Variants in KDM1A observed in about 807,000 individuals in gnomAD.
The protein encoded by KDM1A is lysine demethylase 1A, also known as lysine-specific histone demethylase 1A.
In KDM1A, 49 loss-of-function variants were observed where a neutral mutation model predicts 109.4. The ratio of observed to expected loss-of-function variants is 0.45; its 90% CI spans 0.36 to 0.57. KDM1A has a LOEUF of 0.57. Among genes scored for constraint, KDM1A ranks in the 20% least tolerant of loss-of-function variants. The pLI, the probability that KDM1A is intolerant of heterozygous loss-of-function variation, is 0.00. For missense variants in KDM1A, 668 were observed against 1,116.6 expected (o/e 0.60, Z 5.73); for synonymous variants, 380 against 415.4 (o/e 0.91, Z 1.04).
intron 12 of KDM1A, among the ~76,000 whole-genome samples, chr1:23,069,748 C>T (rs970169263): frequency 3.9e-5 from 6 of 152,218 alleles, no homozygotes; most frequent in Non-Finnish European, 8.8e-5. Flanking sequence ...TCTTGAGTTG[C>T]TGCCACCCCC....
At chr1:23,022,347 G>A (rs1242916573) in intron 1 of KDM1A, among the ~76,000 whole-genome samples, 1 of 148,586 alleles carries the variant, frequency 6.7e-6, no homozygotes. Flanking sequence ...TGTTGTTGTT[G>A]TTTTTGAGAT....
chr1:23,037,979 G>A lies in KDM1A; in HGVS notation c.518-6448G>A, dbSNP rs551848328. ...ATGTTGTAATAGAAGAACAAGATTT[G>A]TAAGGATTTTCTCGTCTACAAAATG... On this transcript the variant is annotated intron_variant, in intron 2 of 20. Transcript: ENST00000400181. Among the ~76,000 whole-genome samples the A allele has an allele frequency of 6.6e-5, 10 of 152,264 alleles. No individual in the cohort carries two copies. The South Asian group carries it at 1.4e-3, about 22-fold the overall frequency.
At chr1:23,077,857 TC>T (rs1287123285) in intron 16 of KDM1A, among the ~76,000 whole-genome samples, 1 of 152,232 alleles carries the variant, frequency 6.6e-6, no homozygotes, top group Non-Finnish European at 1.5e-5. Context: ...TTGGGCTAAT[TC>T]GCTTACGTTT....
chr1:23,041,541 C>T (rs1335869446), intron 2 of KDM1A, among the ~76,000 whole-genome samples: 2 of 138,608 alleles, frequency 1.4e-5, no homozygotes, highest in African/African-American at 5.3e-5. Flanking sequence ...CTCCCGAGTT[C>T]AAGCGATTCT....
intron 4 of KDM1A, among the ~76,000 whole-genome samples, chr1:23,052,314 G>A (rs1642697269): frequency 6.6e-6 from 1 of 152,184 alleles, no homozygotes; most frequent in African/African-American, 2.4e-5. Flanking sequence ...TGTGACCTAA[G>A]TGTTATTTTG....
At chr1:23,081,282 TGTATGCTGTTTCA>T in intron 18 of KDM1A, 151 bp from the exon 19 acceptor site, 1 of 772,190 alleles carries the variant, frequency 1.3e-6, no homozygotes, top group Non-Finnish European at 2.1e-6. Context: ...CAAAGAGTTC[TGTATGCTGTTTCA>T]GAAACATAAT....
At chr1:23,053,966 C>A in intron 5 of KDM1A, 127 bp downstream of exon 5, 1 of 634,474 alleles carries the variant, frequency 1.6e-6, no homozygotes, top group Admixed American at 2.8e-5. Flanking sequence ...TCACCTTGTG[C>A]TGTGCAAAAA....
At chr1:23,074,415 A>C (rs1402466375) in intron 15 of KDM1A, among the ~76,000 whole-genome samples, 1 of 152,132 alleles carries the variant, frequency 6.6e-6, no homozygotes, top group Admixed American at 6.6e-5. Context: ...AATTTTCTAA[A>C]TCTGTCTCAA....
At chr1:23,054,161 A>T (rs1432992693) in intron 5 of KDM1A, among the ~76,000 whole-genome samples, 1 of 152,194 alleles carries the variant, frequency 6.6e-6, no homozygotes, top group Non-Finnish European at 1.5e-5. Flanking sequence ...CTTGGCACCA[A>T]CAATGTCTTG....
At chr1:23,062,473 A>G (rs140070024) in intron 9 of KDM1A, among the ~76,000 whole-genome samples, 124 of 152,378 alleles carry the variant, frequency 8.1e-4, no homozygotes, top group Non-Finnish European at 1.5e-3. Flanking sequence ...GTTAGTATGT[A>G]GAAATTAATG....
At chr1:23,021,980 TGTA>T (rs1233846107) in intron 1 of KDM1A, among the ~76,000 whole-genome samples, 44 of 152,372 alleles carry the variant, frequency 2.9e-4, no homozygotes, top group Admixed American at 1.7e-3. Context: ...TCATTCACGT[TGTA>T]GTGCTTTCAT....
chr1:23,029,432 A>C (rs575216087), intron 1 of KDM1A, among the ~76,000 whole-genome samples: 1 of 152,196 alleles, frequency 6.6e-6, no homozygotes, highest in Non-Finnish European at 1.5e-5. Flanking sequence ...TTTGAAGACT[A>C]TCTGTAATAC....
intron 12 of KDM1A, among the ~76,000 whole-genome samples, chr1:23,070,768 A>G (rs1557583378): frequency 6.6e-6 from 1 of 151,990 alleles, no homozygotes; most frequent in Non-Finnish European, 1.5e-5. Flanking sequence ...AGATGGTGCC[A>G]CTGCACTCCA....
intron 1 of KDM1A, 49 bp downstream of exon 1, chr1:23,019,996 C>A: frequency 7.1e-7 from 1 of 1,416,758 alleles, no homozygotes; most frequent in Non-Finnish European, 9.2e-7. Context: ...GCCGAGCTTC[C>A]CCGAGGCTTC....
At chr1:23,064,124 A>C (rs2124495445) in intron 9 of KDM1A, among the ~76,000 whole-genome samples, 1 of 152,322 alleles carries the variant, frequency 6.6e-6, no homozygotes, top group East Asian at 1.9e-4. Flanking sequence ...CCTGGGCTCA[A>C]GTGATCCTCC....
At chr1:23,027,130 C>T (rs559902165) in intron 1 of KDM1A, among the ~76,000 whole-genome samples, 30 of 150,952 alleles carry the variant, frequency 2.0e-4, no homozygotes, top group South Asian at 2.1e-4. Flanking sequence ...GCAAAAATCC[C>T]AAAATAAAAC....
At chr1:23,075,401 T>A (rs1479440463) in intron 15 of KDM1A, among the ~76,000 whole-genome samples, 1 of 149,932 alleles carries the variant, frequency 6.7e-6, no homozygotes, top group South Asian at 2.1e-4. Context: ...CCTGGCCCTG[T>A]CTCTACTAAA....
At chr1:23,036,164 G>A (rs1642137039) in intron 2 of KDM1A, among the ~76,000 whole-genome samples, 2 of 151,964 alleles carry the variant, frequency 1.3e-5, no homozygotes. Context: ...CCTGCAAATG[G>A]AGCCAGAGAG....
intron 9 of KDM1A, among the ~76,000 whole-genome samples, chr1:23,062,775 G>A (rs1643035979): frequency 6.6e-6 from 1 of 152,036 alleles, no homozygotes; most frequent in Non-Finnish European, 1.5e-5. Flanking sequence ...GTCTTCCTTA[G>A]TAAAGATATT....
Sources: gnomAD v4.1 joint callset for allele counts (sites outside exome capture counted in the v4.1 genomes callset) on GRCh38, gnomAD v4.1.1 for gene constraint, MANE v1.5 for transcripts, NCBI Gene and HGNC (gene_info 2026-07-23, HGNC 2026-07-21) for gene names.